Variants in GNAS observed in about 807,000 individuals in gnomAD.
The protein encoded by GNAS is GNAS complex locus, also known as protein ALEX.
A neutral mutation model predicts 54.5 loss-of-function variants in GNAS; 8 were observed. That is an observed-to-expected ratio of 0.15 (90% confidence interval 0.09 to 0.26). GNAS has a LOEUF of 0.26. Ranked by LOEUF, GNAS falls within the 10% of genes least tolerant of loss-of-function variation. The pLI, the probability that GNAS is intolerant of heterozygous loss-of-function variation, is 1.00. For synonymous variants in GNAS, 204 were observed against 191.4 expected (o/e 1.07, Z -0.54); for missense variants, 170 against 529.8 (o/e 0.32, Z 6.67).
upstream of GNAS, chr20:58,840,835 G>A (rs80141274): frequency 1.8e-5 from 29 of 1,612,774 alleles, no homozygotes; most frequent in Non-Finnish European, 2.5e-5. The surrounding 1 kb of genome is among the most constrained non-coding windows in gnomAD (Gnocchi z 6.0). Flanking sequence ...TCCCCATCCG[G>A]CGTCACTAAT....
intron 1 of GNAS, among the ~76,000 whole-genome samples, chr20:58,872,880 G>GA (rs1392180859): frequency 6.6e-6 from 1 of 151,920 alleles, no homozygotes; most frequent in Non-Finnish European, 1.5e-5. Context: ...CAGCTCAAGA[G>GA]AAAAAAAATA....
intron 1 of GNAS, among the ~76,000 whole-genome samples, chr20:58,851,317 A>G (rs1305331202): frequency 6.6e-6 from 1 of 152,090 alleles, no homozygotes; most frequent in Non-Finnish European, 1.5e-5. Flanking sequence ...ACTAAACGGG[A>G]TCGCAACTTG....
At chr20:58,869,856 G>T (rs2087319866) in intron 1 of GNAS, among the ~76,000 whole-genome samples, 2 of 152,218 alleles carry the variant, frequency 1.3e-5, no homozygotes, top group Non-Finnish European at 2.9e-5. Flanking sequence ...CACTGCCTTG[G>T]GGCAGGCCAC....
chr20:58,882,893 CTTTCG>C (rs1020970083), intron 1 of GNAS: 24 of 152,266 alleles, frequency 1.6e-4, no homozygotes, highest in African/African-American at 5.5e-4. Context: ...AGATTTTCTT[CTTTCG>C]TTTCATTTAT....
chr20:58,869,585 T>C (rs761971890), intron 1 of GNAS, among the ~76,000 whole-genome samples: 26 of 152,322 alleles, frequency 1.7e-4, no homozygotes, highest in Non-Finnish European at 3.4e-4. Flanking sequence ...TAAGACAATA[T>C]GGAGAGATGA....
At chr20:58,891,155 T>G (rs1290685804), upstream of GNAS, 6 of 145,430 alleles carry the variant, frequency 4.1e-5, no homozygotes, top group Admixed American at 1.4e-4. Flanking sequence ...CCCCGGCCCG[T>G]CCCGTCCCCG....
chr20:58,840,046 T>C, upstream of GNAS: 1 of 1,583,392 alleles, frequency 6.3e-7, no homozygotes, highest in Middle Eastern at 1.9e-4. The surrounding 1 kb of genome is among the most constrained non-coding windows in gnomAD (Gnocchi z 6.0). Flanking sequence ...GCCAATGTGC[T>C]TCGGAGCCAC....
rs200430001 is a variant in GNAS at position 58,854,486 on chromosome 20, C to G, written c.43+13600C>G. ...CAGCCGATCCTGACTCCGGGGCAACCCCAGAAGATCCCGACTCCGGGACAG... is the reference window on the plus strand; with the variant it reads ...CAGCCGATCCTGACTCCGGGGCAACGCCAGAAGATCCCGACTCCGGGACAG... On this transcript the variant is annotated intron_variant, in intron 1 of 12. Transcript: ENST00000306090. The G allele has an allele frequency of 9.6e-4, 1,524 of 1,582,906 alleles. 7 individuals are homozygous for G. The African/African-American group carries it at 0.013, about 13-fold the overall frequency.
chr20:58,846,941 T>C (rs2085962935), intron 1 of GNAS, among the ~76,000 whole-genome samples: 1 of 152,212 alleles, frequency 6.6e-6, no homozygotes, highest in Non-Finnish European at 1.5e-5. Flanking sequence ...ACCCCCACTT[T>C]TGCCTCTCTC....
At chr20:58,902,743 TTTTTTTTTTTG>T (rs2090740858) in intron 3 of GNAS, among the ~76,000 whole-genome samples, 1 of 134,826 alleles carries the variant, frequency 7.4e-6, no homozygotes, top group African/African-American at 2.9e-5. Context: ...TTTTTTTTTT[TTTTTTTTTTTG>T]ACAGAGTCTC....
intron 1 of GNAS, among the ~76,000 whole-genome samples, chr20:58,885,990 C>G (rs1408071452): frequency 1.3e-5 from 2 of 152,206 alleles, no homozygotes; most frequent in Non-Finnish European, 2.9e-5. Flanking sequence ...ATGACCCCAA[C>G]TAATGAAAGG....
chr20:58,843,234 C>T (rs544610539), intron 1 of GNAS: 2 of 151,066 alleles, frequency 1.3e-5, no homozygotes, highest in African/African-American at 4.9e-5. Flanking sequence ...ATTCCCCTCC[C>T]CCAGCTTCCC....
intron 1 of GNAS, among the ~76,000 whole-genome samples, chr20:58,876,298 G>T (rs1488996491): frequency 6.6e-6 from 1 of 152,212 alleles, no homozygotes; most frequent in East Asian, 1.9e-4. Context: ...GTAGGTGACA[G>T]CTGGGATGAA....
chr20:58,855,011 C>T (rs2086399893), intron 1 of GNAS: 1 of 1,612,818 alleles, frequency 6.2e-7, no homozygotes, highest in Non-Finnish European at 8.5e-7. Context: ...ACGAGTCCGA[C>T]GATGGGACCT....
chr20:58,878,575 G>A (rs1177427982), intron 1 of GNAS, among the ~76,000 whole-genome samples: 2 of 152,134 alleles, frequency 1.3e-5, no homozygotes, highest in East Asian at 1.9e-4. Flanking sequence ...GATAGAGATC[G>A]CCTTTCCCTA....
chr20:58,883,196 C>T (rs576826500), intron 1 of GNAS, among the ~76,000 whole-genome samples: 1 of 152,322 alleles, frequency 6.6e-6, no homozygotes, highest in East Asian at 1.9e-4. Flanking sequence ...TAGTACAAAT[C>T]ATTGGAAGGC....
chr20:58,892,119 C>G, intron 1 of GNAS: 1 of 967,350 alleles, frequency 1.0e-6, no homozygotes, highest in Non-Finnish European at 1.2e-6. Context: ...CCTGCCCGCT[C>G]AGTGTCTCTC....
At chr20:58,908,105 AG>A (rs2091205556) in intron 6 of GNAS, among the ~76,000 whole-genome samples, 1 of 152,260 alleles carries the variant, frequency 6.6e-6, no homozygotes, top group South Asian at 2.1e-4. Flanking sequence ...ACTAGTAAAA[AG>A]GAAGAGGGGA....
Position 58,853,389 on chromosome 20 carries a change from G to A in GNAS, c.43+12503G>A. 6.4e-7 allele frequency: 1 copy of A among 1,563,814 alleles called. No individual in the cohort carries two copies. Among genetic ancestry groups the A allele is most frequent in the Non-Finnish European group, 8.7e-7 (1 of 1,154,774 alleles). ...CCCAGGGGCAGCTGCCCCCGGTGCT[G>A]GGCCTAGCCCAGCCGAAGAGATGGA... On this transcript the variant is annotated intron_variant, in intron 1 of 12. Coordinates refer to the GNAS transcript ENST00000306090. The surrounding 1 kb of genome is among the most constrained non-coding windows in gnomAD (Gnocchi z 4.4).
Sources: allele counts gnomAD v4.1 joint callset (sites outside exome capture counted in the v4.1 genomes callset), GRCh38; gene constraint gnomAD v4.1.1; non-coding constraint Gnocchi (gnomAD v3.1); transcripts MANE v1.5; gene names NCBI Gene and HGNC (gene_info 2026-07-23, HGNC 2026-07-21).